ROBO1: variants seen among roughly 807,000 people sequenced by gnomAD.
The protein encoded by ROBO1 is roundabout homolog 1.
A neutral mutation model predicts 195.9 loss-of-function variants in ROBO1; 149 were observed. The observed-to-expected ratio is 0.76, with a 90% CI of 0.67 to 0.87. The LOEUF is 0.87. ROBO1 is among the 40% of genes least tolerant of loss of function. The pLI, the probability that ROBO1 is intolerant of heterozygous loss-of-function variation, is 0.00. For missense variants in ROBO1, 1,933 were observed against 2,068.3 expected, an observed-to-expected ratio of 0.93 and a Z score of 1.27; for synonymous variants, 816 against 733.2, an observed-to-expected ratio of 1.11 and a Z score of -1.82.
At chr3:79,319,138 T>C (rs973400730) in intron 2 of ROBO1, among the ~76,000 whole-genome samples, 1 of 152,182 alleles carries the variant, frequency 6.6e-6, no homozygotes, top group Non-Finnish European at 1.5e-5. Flanking sequence ...CTTCCATATA[T>C]TGTTGAAACA....
At chr3:79,597,604 A>T (rs1021219814) in intron 1 of ROBO1, among the ~76,000 whole-genome samples, 8 of 152,056 alleles carry the variant, frequency 5.3e-5, no homozygotes, top group African/African-American at 1.9e-4. Flanking sequence ...GGCAAATGCT[A>T]TACCTTTAGT....
intron 2 of ROBO1, among the ~76,000 whole-genome samples, chr3:79,243,677 G>T (rs1477993136): frequency 6.6e-6 from 1 of 151,928 alleles, no homozygotes; most frequent in Non-Finnish European, 1.5e-5. Flanking sequence ...TTTTTGATGG[G>T]GTTGTTTTTT....
intron 1 of ROBO1, among the ~76,000 whole-genome samples, chr3:79,716,826 T>C (rs898558696): frequency 6.6e-6 from 1 of 151,972 alleles, no homozygotes; most frequent in African/African-American, 2.4e-5. Context: ...TGAAATCACA[T>C]GAATTTTAAA....
At chr3:79,436,481 C>G (rs932585281) in intron 2 of ROBO1, among the ~76,000 whole-genome samples, 1 of 151,920 alleles carries the variant, frequency 6.6e-6, no homozygotes, top group Non-Finnish European at 1.5e-5. Context: ...TTTCAAAGTG[C>G]TTATATTTAA....
At chr3:79,583,184 T>C (rs917349999) in intron 2 of ROBO1, among the ~76,000 whole-genome samples, 6 of 152,034 alleles carry the variant, frequency 3.9e-5, no homozygotes, top group African/African-American at 1.4e-4. Context: ...CAGTTTTCTT[T>C]AAACTTAGTG....
chr3:78,894,458 CT>C (rs2037112483), intron 4 of ROBO1, among the ~76,000 whole-genome samples: 1 of 152,102 alleles, frequency 6.6e-6, no homozygotes, highest in African/African-American at 2.4e-5. Flanking sequence ...CACTAATCTG[CT>C]TTTTGAAATC....
intron 2 of ROBO1, among the ~76,000 whole-genome samples, chr3:79,291,056 C>T (rs1256032781): frequency 1.3e-5 from 2 of 152,202 alleles, no homozygotes; most frequent in Non-Finnish European, 2.9e-5. Flanking sequence ...TTGACATCAG[C>T]TTTAACTCCA....
chr3:79,517,674 A>T (rs1463530150), intron 2 of ROBO1, among the ~76,000 whole-genome samples: 1 of 152,206 alleles, frequency 6.6e-6, no homozygotes, highest in East Asian at 1.9e-4. Flanking sequence ...ATAAAGAGAG[A>T]GGCAAGAGAC....
chr3:78,631,151 C>G lies in ROBO1; in HGVS notation c.3626+10G>C, dbSNP rs1575806883. 3.7e-6 allele frequency: 6 copies of G among 1,607,136 alleles called. No individual in the cohort carries two copies. Among genetic ancestry groups the G allele is most frequent in the Non-Finnish European group, 5.1e-6 (6 of 1,176,436 alleles). On this transcript the variant is annotated intron_variant, in intron 25 of 30. Coordinates refer to ENST00000464233, the MANE Select transcript of ROBO1 (RefSeq NM_002941.4). ...TACACTGTTTACATCTGTTTGGATG[C>G]TCCTCTTACCTTTCATCTACAGAAA...
At chr3:79,446,181 C>T (rs998383779) in intron 2 of ROBO1, among the ~76,000 whole-genome samples, 4 of 152,056 alleles carry the variant, frequency 2.6e-5, no homozygotes, top group Admixed American at 1.3e-4. Context: ...CTTATTTTAC[C>T]ATTTGTATCC....
chr3:79,610,556 T>C (rs964340035), intron 1 of ROBO1, among the ~76,000 whole-genome samples: 1 of 152,020 alleles, frequency 6.6e-6, no homozygotes, highest in Non-Finnish European at 1.5e-5. Flanking sequence ...AAATATTATA[T>C]TCAAATACTG....
chr3:79,607,602 G>GTTTTTTTTTTT (rs58634211), intron 1 of ROBO1, among the ~76,000 whole-genome samples: 1 of 147,632 alleles, frequency 6.8e-6, no homozygotes, highest in Non-Finnish European at 1.5e-5. Context: ...GTATTTCCAA[G>GTTTTTTTTTTT]TTTTTTTTTT....
At chr3:79,748,697 C>A (rs761076234) in intron 1 of ROBO1, among the ~76,000 whole-genome samples, 6 of 152,056 alleles carry the variant, frequency 3.9e-5, no homozygotes, top group Non-Finnish European at 8.8e-5. Flanking sequence ...GTGCTACTCT[C>A]ATGATAGTGA....
chr3:78,643,477 G>A (rs1706092960), intron 21 of ROBO1, among the ~76,000 whole-genome samples: 1 of 152,134 alleles, frequency 6.6e-6, no homozygotes, highest in Non-Finnish European at 1.5e-5. Flanking sequence ...GGGTCGCTGG[G>A]TGGGGAGACA....
chr3:79,396,490 G>C (rs550645549), intron 2 of ROBO1, among the ~76,000 whole-genome samples: 1 of 151,764 alleles, frequency 6.6e-6, no homozygotes, highest in Non-Finnish European at 1.5e-5. Flanking sequence ...AAGTACCTTC[G>C]TCTCCATTTG....
intron 8 of ROBO1, among the ~76,000 whole-genome samples, chr3:78,701,591 A>T (rs2081422317): frequency 6.6e-6 from 1 of 152,218 alleles, no homozygotes; most frequent in South Asian, 2.1e-4. Context: ...GATTAAGTAT[A>T]TTCTGGGGGA....
Position 79,483,620 on chromosome 3 carries a change from T to A in ROBO1, c.88+106204A>T, listed in dbSNP as rs1938986329. ...TAGGCTACAAACCTGTAAATCATGT[T>A]ACTGTACTAAATGCTGTAAAGAATT... On this transcript the variant is annotated intron_variant, in intron 2 of 30. Coordinates refer to ENST00000464233, the MANE Select transcript of ROBO1 (RefSeq NM_002941.4). Among the ~76,000 whole-genome samples the A allele has an allele frequency of 4.6e-5, 7 of 152,328 alleles. No homozygotes were observed. The South Asian group carries it at 1.4e-3, about 32-fold the overall frequency.
intron 29 of ROBO1, among the ~76,000 whole-genome samples, chr3:78,605,072 T>G (rs548374621): frequency 6.6e-6 from 1 of 152,326 alleles, no homozygotes; most frequent in East Asian, 1.9e-4. Context: ...CCATTCACTT[T>G]CCAACTCCAT....
At chr3:79,052,892 G>A (rs1437365204) in intron 3 of ROBO1, among the ~76,000 whole-genome samples, 2 of 151,974 alleles carry the variant, frequency 1.3e-5, no homozygotes, top group African/African-American at 4.8e-5. Context: ...TATGGTCCGG[G>A]TTAACTATGG....
Sources: gnomAD v4.1 joint callset for allele counts (sites outside exome capture counted in the v4.1 genomes callset) on GRCh38, gnomAD v4.1.1 for gene constraint, MANE v1.5 for transcripts, NCBI Gene and HGNC (gene_info 2026-07-23, HGNC 2026-07-21) for gene names.